Variants in RANBP2 observed in about 807,000 individuals in gnomAD.
RANBP2 encodes RAN binding protein 2.
In RANBP2, 57 loss-of-function variants were observed where a neutral mutation model predicts 303.6. The observed-to-expected ratio is 0.19, with a 90% CI of 0.15 to 0.23. RANBP2 has a LOEUF of 0.23. Ranked by LOEUF, RANBP2 falls within the 10% of genes least tolerant of loss-of-function variation. The pLI is 1.00. For synonymous variants in RANBP2, 1,167 were observed against 1,301.5 expected, an observed-to-expected ratio of 0.90 and a Z score of 2.23; for missense variants, 3,138 against 3,780.8, an observed-to-expected ratio of 0.83 and a Z score of 4.46.
At chr2:109,643,871 C>A in the RANBP2 span, among the ~76,000 whole-genome samples, 1 of 151,984 alleles carries the variant, frequency 6.6e-6, no homozygotes, top group East Asian at 1.9e-4. Context: ...ACCTGTAATC[C>A]CAGCCCTTTG....
chr2:108,831,025 A>C, the RANBP2 span, among the ~76,000 whole-genome samples: 3 of 151,998 alleles, frequency 2.0e-5, no homozygotes, highest in Non-Finnish European at 4.4e-5. Flanking sequence ...AAATACAAAA[A>C]TTAGCCAGGC....
the RANBP2 span, among the ~76,000 whole-genome samples, chr2:109,707,213 G>C: frequency 6.6e-6 from 1 of 152,140 alleles, no homozygotes; most frequent in African/African-American, 2.4e-5. Flanking sequence ...ACTCTAACCA[G>C]TGACATGTTT....
the RANBP2 span, among the ~76,000 whole-genome samples, chr2:109,684,538 C>CT: frequency 0.15 from 20,442 of 135,742 alleles, 1,875 homozygotes; most frequent in South Asian, 0.36. Context: ...TGCACCCGGG[C>CT]TTTTTTTTTT....
chr2:108,746,045 C>A (rs962134588), intron 7 of RANBP2, among the ~76,000 whole-genome samples: 1 of 151,506 alleles, frequency 6.6e-6, no homozygotes, highest in Non-Finnish European at 1.5e-5. Context: ...TAGCTGGGAC[C>A]ACAGGTGTGG....
At chr2:109,211,731 G>A in the RANBP2 span, among the ~76,000 whole-genome samples, 40 of 149,696 alleles carry the variant, frequency 2.7e-4, no homozygotes, top group Non-Finnish European at 5.0e-4. Flanking sequence ...TTCAACCTCC[G>A]CCTGCTGGGT....
chr2:108,885,035 A>G, the RANBP2 span: 1 of 152,250 alleles, frequency 6.6e-6, no homozygotes, highest in Non-Finnish European at 1.5e-5. Flanking sequence ...TTTGCAGAGA[A>G]TTAATACTGA....
chr2:109,524,654 A>G, the RANBP2 span, among the ~76,000 whole-genome samples: 99 of 151,908 alleles, frequency 6.5e-4, no homozygotes, highest in Non-Finnish European at 1.2e-3. Context: ...CTGAGGCAGG[A>G]GAATCTCTTG....
At chr2:109,581,306 G>A in the RANBP2 span, among the ~76,000 whole-genome samples, 2 of 151,828 alleles carry the variant, frequency 1.3e-5, no homozygotes, top group South Asian at 2.1e-4. Context: ...GTGTCATAGC[G>A]GGCACCTGTA....
At chr2:108,744,277 G>T (rs1224023514) in intron 7 of RANBP2, among the ~76,000 whole-genome samples, 2 of 152,132 alleles carry the variant, frequency 1.3e-5, no homozygotes, top group East Asian at 3.9e-4. Flanking sequence ...GGTGGCGGGT[G>T]CCTGTAATCC....
At chr2:108,792,720 C>A in the RANBP2 span, among the ~76,000 whole-genome samples, 1 of 152,080 alleles carries the variant, frequency 6.6e-6, no homozygotes, top group East Asian at 1.9e-4. Flanking sequence ...GAAGACACAC[C>A]CCCCTCCTTT....
chr2:109,603,544 A>T, the RANBP2 span, among the ~76,000 whole-genome samples: 8 of 134,038 alleles, frequency 6.0e-5, no homozygotes, highest in African/African-American at 1.9e-4. Context: ...CGGCCTCATA[A>T]TATTATTTTT....
At chr2:109,545,689 A>G in the RANBP2 span, 2 of 1,463,404 alleles carry the variant, frequency 1.4e-6, no homozygotes, top group Non-Finnish European at 9.0e-7. Flanking sequence ...GAAATTCAAA[A>G]TAACTCATGG....
the RANBP2 span, among the ~76,000 whole-genome samples, chr2:109,197,904 CCA>C: frequency 5.9e-5 from 9 of 152,362 alleles, no homozygotes; most frequent in South Asian, 1.7e-3. Flanking sequence ...GCATCAAATC[CCA>C]CAGAGTATGT....
At chr2:109,695,766 T>TA in the RANBP2 span, among the ~76,000 whole-genome samples, 24 of 152,196 alleles carry the variant, frequency 1.6e-4, no homozygotes, top group Non-Finnish European at 2.4e-4. Context: ...TACTCAGTTT[T>TA]GCTAAAACTG....
At chr2:108,861,211 A>G in the RANBP2 span, among the ~76,000 whole-genome samples, 5 of 150,688 alleles carry the variant, frequency 3.3e-5, no homozygotes, top group African/African-American at 1.2e-4. Flanking sequence ...TATTGGGATC[A>G]TCTCTCTTTT....
At chr2:109,032,910 A>G in the RANBP2 span, among the ~76,000 whole-genome samples, 2 of 152,216 alleles carry the variant, frequency 1.3e-5, no homozygotes, top group African/African-American at 2.4e-5. Flanking sequence ...AGTGCATCCT[A>G]TGTCACCAGG....
At chr2:109,736,197 TC>T in the RANBP2 span, among the ~76,000 whole-genome samples, 1 of 152,228 alleles carries the variant, frequency 6.6e-6, no homozygotes, top group Non-Finnish European at 1.5e-5. Context: ...GTATCTTTTT[TC>T]CCAGCCTCGG....
chr2:109,343,362 A>G, the RANBP2 span, among the ~76,000 whole-genome samples: 1 of 147,596 alleles, frequency 6.8e-6, no homozygotes, highest in African/African-American at 2.5e-5. Flanking sequence ...ATCTTCCTTG[A>G]CTCTTTTTTT....
At chr2:109,189,638 A>G in the RANBP2 span, among the ~76,000 whole-genome samples, 2 of 152,152 alleles carry the variant, frequency 1.3e-5, no homozygotes, top group East Asian at 3.9e-4. Flanking sequence ...AAGTGAGTCC[A>G]TATTCTCTGT....
Sources: gnomAD v4.1 joint callset for allele counts (sites outside exome capture counted in the v4.1 genomes callset) on GRCh38, gnomAD v4.1.1 for gene constraint, MANE v1.5 for transcripts, NCBI Gene and HGNC (gene_info 2026-07-23, HGNC 2026-07-21) for gene names.